Variants in ANK1 observed in about 807,000 individuals in gnomAD.
ANK1 encodes the protein ankyrin 1, also known as ankyrin-1.
ANK1 carries 51 observed loss-of-function variants against 210.4 expected under a neutral mutation model. That is an observed-to-expected ratio of 0.24 (90% CI 0.19 to 0.31). The LOEUF is 0.31. Among genes scored for constraint, ANK1 ranks in the 10% least tolerant of loss-of-function variants. ANK1 has a pLI of 1.00. For missense variants in ANK1, 2,051 were observed against 2,504.4 expected (o/e 0.82, Z 3.86); for synonymous variants, 967 against 1,025.9 (o/e 0.94, Z 1.10).
chr8:41,727,151 G>A (rs1830919026), intron 5 of ANK1, 99 bp downstream of exon 5: 1 of 892,892 alleles, frequency 1.1e-6, no homozygotes, highest in Non-Finnish European at 1.9e-6. Context: ...ATCATGACAT[G>A]GATGCACCCC....
chr8:41,700,458 G>T (rs760594547), intron 22 of ANK1: 1 of 1,613,570 alleles, frequency 6.2e-7, no homozygotes, highest in African/African-American at 1.3e-5. Flanking sequence ...GCAGTTCCTG[G>T]AAAGCAAAGG....
intron 3 of ANK1, among the ~76,000 whole-genome samples, chr8:41,731,614 C>T (rs1466252098): frequency 6.6e-6 from 1 of 151,726 alleles, no homozygotes; most frequent in Non-Finnish European, 1.5e-5. Context: ...TGCCTGGGAG[C>T]CCCATCACAG....
chr8:41,662,995 G>A (rs924143052), intron 40 of ANK1, among the ~76,000 whole-genome samples: 4 of 151,912 alleles, frequency 2.6e-5, no homozygotes, highest in African/African-American at 7.3e-5. Context: ...AGCTTATGCA[G>A]ACTTGAACTG....
intron 1 of ANK1, among the ~76,000 whole-genome samples, chr8:41,881,991 G>T (rs983055786): frequency 6.6e-6 from 1 of 152,132 alleles, no homozygotes. Context: ...ACGAGAAAAT[G>T]ACATGAATTT....
At chr8:41,827,648 G>T (rs2111807) in intron 1 of ANK1, among the ~76,000 whole-genome samples, 105,702 of 149,786 alleles carry the variant, frequency 0.71, 38,046 homozygotes, top group South Asian at 0.76. Flanking sequence ...ACACACACTC[G>T]AATACCTACC....
At chr8:41,883,159 C>T (rs1318658308) in intron 1 of ANK1, among the ~76,000 whole-genome samples, 1 of 152,210 alleles carries the variant, frequency 6.6e-6, no homozygotes, top group Non-Finnish European at 1.5e-5. Flanking sequence ...GCGTGTGTGG[C>T]CCCGGGCACT....
chr8:41,837,162 C>T (rs559377691), intron 1 of ANK1, among the ~76,000 whole-genome samples: 3 of 152,328 alleles, frequency 2.0e-5, no homozygotes, highest in Admixed American at 6.5e-5. Flanking sequence ...ACCCCTTTCT[C>T]ACAGAGTAAT....
intron 6 of ANK1, 76 bp downstream of exon 6, chr8:41,725,685 T>A (rs966299793): frequency 1.4e-5 from 21 of 1,543,268 alleles, no homozygotes; most frequent in Non-Finnish European, 1.7e-5. Flanking sequence ...GCCTGGGAAG[T>A]CGCTGGGCGT....
intron 1 of ANK1, among the ~76,000 whole-genome samples, chr8:41,831,153 G>A (rs1273747213): frequency 6.6e-6 from 1 of 152,080 alleles, no homozygotes; most frequent in African/African-American, 2.4e-5. Flanking sequence ...TTAAAACTAT[G>A]GACTCGTCAT....
chr8:41,861,562 C>G (rs867612680), intron 1 of ANK1, among the ~76,000 whole-genome samples: 12 of 152,330 alleles, frequency 7.9e-5, no homozygotes, highest in African/African-American at 2.9e-4. Flanking sequence ...CTTGGGAGAC[C>G]CCACTCTGCT....
At chr8:41,831,835 C>T (rs894753180) in intron 1 of ANK1, among the ~76,000 whole-genome samples, 20 of 152,292 alleles carry the variant, frequency 1.3e-4, no homozygotes, top group South Asian at 8.3e-4. Context: ...CGCAGCACCT[C>T]GTACAGTGGA....
At chr8:41,755,176 G>A (rs1838811030) in intron 2 of ANK1, among the ~76,000 whole-genome samples, 1 of 152,256 alleles carries the variant, frequency 6.6e-6, no homozygotes, top group Non-Finnish European at 1.5e-5. Context: ...TGTCAATAAA[G>A]TGCAAATAAT....
intron 1 of ANK1, among the ~76,000 whole-genome samples, chr8:41,862,031 C>T (rs1193879930): frequency 2.0e-5 from 3 of 152,214 alleles, no homozygotes; most frequent in Non-Finnish European, 4.4e-5. Flanking sequence ...CCAGGCCCTG[C>T]TCAGACGGGG....
chr8:41,670,304 G>C (rs1811864598), intron 38 of ANK1, among the ~76,000 whole-genome samples: 1 of 152,032 alleles, frequency 6.6e-6, no homozygotes, highest in African/African-American at 2.4e-5. Flanking sequence ...TGTTGAGTAA[G>C]TGGATGAAAT....
intron 1 of ANK1, chr8:41,840,044 T>A (rs1808572187): frequency 6.6e-6 from 1 of 152,140 alleles, no homozygotes; most frequent in Admixed American, 6.5e-5. Flanking sequence ...CTTTTAAAAT[T>A]ATTTTTATTT....
At chr8:41,818,867 C>T (rs779367982) in intron 1 of ANK1, among the ~76,000 whole-genome samples, 2 of 152,184 alleles carry the variant, frequency 1.3e-5, no homozygotes, top group South Asian at 2.1e-4. Context: ...TTGTGCACAG[C>T]GGGGCTTGCC....
At chr8:41,785,263 G>A (rs950374518) in intron 1 of ANK1, among the ~76,000 whole-genome samples, 1 of 152,192 alleles carries the variant, frequency 6.6e-6, no homozygotes, top group Non-Finnish European at 1.5e-5. Flanking sequence ...GGAAGGCTGA[G>A]GCAGGAGGAT....
In ANK1 at chr8:41,703,967, C is replaced by T. The variant is rs546350291; in HGVS notation, c.2295+74G>A. On this transcript the variant is annotated intron_variant, in intron 20 of 42. Transcript: ENST00000289734. ...CCCTAGACACGTGCATTAACCTCTA[C>T]GGTTAGGGGAGTTCACACAGGGCTG... is the stretch of plus-strand genomic sequence containing the variant. 6.2e-5 allele frequency: 85 copies of T among 1,378,108 alleles called. No homozygotes were observed. The South Asian group carries it at 7.6e-4, about 12-fold the overall frequency. The allele number at this position is 1,378,108 out of a possible 1,614,324, so 85.4% of individuals were successfully genotyped here. A position where few individuals can be genotyped will look rare whatever the true frequency, so the allele number is the denominator to read the frequency against.
chr8:41,661,675 G>T, intron 41 of ANK1, 111 bp from the exon 42 acceptor site: 1 of 1,599,442 alleles, frequency 6.3e-7, no homozygotes, highest in South Asian at 1.1e-5. Flanking sequence ...TGCCCACCAG[G>T]GAGAAGAGAG....
Sources: gnomAD v4.1 joint callset for allele counts (sites outside exome capture counted in the v4.1 genomes callset) on GRCh38, gnomAD v4.1.1 for gene constraint, MANE v1.5 for transcripts, NCBI Gene and HGNC (gene_info 2026-07-23, HGNC 2026-07-21) for gene names.